Variants in ASCC3 observed in about 807,000 individuals in gnomAD.
ASCC3 encodes the protein activating signal cointegrator 1 complex subunit 3.
In ASCC3, 158 loss-of-function variants were observed where a neutral mutation model predicts 256.3. The ratio of observed to expected loss-of-function variants is 0.62; its 90% CI spans 0.54 to 0.70. The LOEUF is 0.70. Ranked by LOEUF, ASCC3 falls within the 30% of genes least tolerant of loss-of-function variation. The pLI is 0.00. For synonymous variants in ASCC3, 948 were observed against 883.4 expected, an observed-to-expected ratio of 1.07 and a Z score of -1.30; for missense variants, 2,259 against 2,626.0, an observed-to-expected ratio of 0.86 and a Z score of 3.05.
chr6:100,696,583 G>A (rs958852093), intron 13 of ASCC3, among the ~76,000 whole-genome samples: 2 of 151,906 alleles, frequency 1.3e-5, no homozygotes, highest in African/African-American at 4.8e-5. Context: ...GAAATAAATA[G>A]CTGTCAAATA....
At chr6:100,561,281 T>C (rs1382107366) in intron 36 of ASCC3, among the ~76,000 whole-genome samples, 1 of 152,164 alleles carries the variant, frequency 6.6e-6, no homozygotes, top group Admixed American at 6.6e-5. Flanking sequence ...TAAAGAGCCT[T>C]AGGGGTCTTC....
chr6:100,770,986 T>G (rs924371605), intron 8 of ASCC3, among the ~76,000 whole-genome samples: 4 of 151,846 alleles, frequency 2.6e-5, no homozygotes, highest in African/African-American at 9.7e-5. Flanking sequence ...AAAACAACTT[T>G]GAAAAAGAAT....
At chr6:100,670,745 T>C (rs1419122467) in intron 14 of ASCC3, among the ~76,000 whole-genome samples, 2 of 151,858 alleles carry the variant, frequency 1.3e-5, no homozygotes, top group Non-Finnish European at 2.9e-5. Context: ...TGGAACAATA[T>C]CTCCAGTAGG....
chr6:100,580,949 T>C (rs1409406035), intron 36 of ASCC3, among the ~76,000 whole-genome samples: 1 of 152,132 alleles, frequency 6.6e-6, no homozygotes, highest in Admixed American at 6.5e-5. Context: ...CCATGGTGTA[T>C]ATGTGCCACA....
At chr6:100,814,878 A>G (rs1770665052) in intron 4 of ASCC3, among the ~76,000 whole-genome samples, 1 of 151,636 alleles carries the variant, frequency 6.6e-6, no homozygotes, top group Non-Finnish European at 1.5e-5. Context: ...ATTTTTTTTC[A>G]AAAAATCAAC....
At chr6:100,757,182 C>T (rs1189072306) in intron 10 of ASCC3, among the ~76,000 whole-genome samples, 2 of 151,886 alleles carry the variant, frequency 1.3e-5, no homozygotes, top group Non-Finnish European at 2.9e-5. Flanking sequence ...ATAATCAAGA[C>T]TTATACTAAA....
chr6:100,540,522 A>G, intron 36 of ASCC3, 135 bp from the exon 37 acceptor site: 1 of 728,524 alleles, frequency 1.4e-6, no homozygotes, highest in South Asian at 1.7e-5. Context: ...TGCTTGTTCA[A>G]TATTATCATT....
intron 8 of ASCC3, among the ~76,000 whole-genome samples, chr6:100,795,046 T>C (rs1218480730): frequency 1.3e-5 from 2 of 152,074 alleles, no homozygotes. Context: ...ATAATGAGGA[T>C]ATACAAGTGA....
In ASCC3 at chr6:100,747,318, C is replaced by T. The variant is rs1017901272; in HGVS notation, c.1737+19247G>A. Among the ~76,000 whole-genome samples, 3 of 151,996 alleles carry T rather than the reference C, an allele frequency of 2.0e-5. 1 individual carries two copies. The South Asian group carries it at 6.2e-4, about 32-fold the overall frequency. On this transcript the variant is annotated intron_variant, in intron 10 of 41. Coordinates refer to ENST00000369162, the MANE Select transcript of ASCC3 (RefSeq NM_006828.4). ...AATACTTGGCTGGTGGAGGGTATTG[C>T]TGCTTTGGAATACAGTTCGGTAGTT...
rs780929412 is a variant in ASCC3, at chr6:100,662,555, TAA to T, written c.2287-21_2287-20del. 1.2e-5 allele frequency: 19 copies of T among 1,609,948 alleles called. No homozygotes were observed. The highest frequency in any genetic ancestry group is 6.8e-6 in the Non-Finnish European group (8 of 1,176,906). On this transcript the variant is annotated intron_variant, in intron 14 of 41. Coordinates refer to ENST00000369162, the MANE Select transcript of ASCC3 (RefSeq NM_006828.4). ...TTTGTACCTAGATACCAAGAAAGCGTAAGAGTATTATTTAGCATTTAAAAGCA... is the reference window on the plus strand; with the variant it reads ...TTTGTACCTAGATACCAAGAAAGCGTGAGTATTATTTAGCATTTAAAAGCA...
intron 1 of ASCC3, 95 bp from the exon 2 acceptor site, chr6:100,868,133 A>C (rs989895664): frequency 1.9e-4 from 137 of 704,234 alleles, no homozygotes; most frequent in Admixed American, 1.4e-3. Flanking sequence ...AAAAGGAAAA[A>C]ATTGGTTAAA....
At chr6:100,873,782 T>A (rs1201713035) in intron 1 of ASCC3, among the ~76,000 whole-genome samples, 4 of 152,140 alleles carry the variant, frequency 2.6e-5, no homozygotes, top group Non-Finnish European at 5.9e-5. Flanking sequence ...AAAACTAAGC[T>A]TCATAAATGA....
intron 1 of ASCC3, among the ~76,000 whole-genome samples, chr6:100,876,869 A>G (rs1774026805): frequency 6.6e-6 from 1 of 152,190 alleles, no homozygotes; most frequent in South Asian, 2.1e-4. Context: ...ACATACGTAC[A>G]GGTAAAAAGA....
intron 10 of ASCC3, among the ~76,000 whole-genome samples, chr6:100,765,116 T>C (rs192877424): frequency 2.7e-4 from 41 of 152,210 alleles, no homozygotes; most frequent in Admixed American, 2.5e-3. Context: ...ATAGAACAGA[T>C]ACTGTCTCAA....
In ASCC3 at chr6:100,617,225, C is replaced by A. The variant is rs370042519; in HGVS notation, c.4785+7967G>T. ...GTTTCACCATGTTGGCCAGGCTGAC[C>A]TTGAACTCCTGACCTCAAATGATCT... On this transcript the variant is annotated intron_variant, in intron 30 of 41. Transcript: ENST00000369162. Among the ~76,000 whole-genome samples, 64 of 152,152 alleles carry A rather than the reference C, an allele frequency of 4.2e-4. No homozygotes were observed. The East Asian group carries it at 0.011, about 27-fold the overall frequency.
intron 36 of ASCC3, among the ~76,000 whole-genome samples, chr6:100,547,195 T>G (rs1769017578): frequency 6.6e-6 from 1 of 152,066 alleles, no homozygotes; most frequent in Admixed American, 6.6e-5. Flanking sequence ...TCAACTTCAA[T>G]CCTTATTTTA....
rs1418122634 is a variant in ASCC3 at position 100,848,433 on chromosome 6, G to A, written c.516C>T (p.Asp172=). 5 of 1,611,660 alleles carry A rather than the reference G, an allele frequency of 3.1e-6. No individual in the cohort carries two copies. Among genetic ancestry groups the A allele is most frequent in the East Asian group, 2.2e-5 (1 of 44,866 alleles). ...CGTCAAAGTGGTCCAAATCATGCAT[G>A]TCAAATGAAAATGCTAAATTTTTAC... is the stretch of plus-strand genomic sequence containing the variant. ...FFGKNLAFSF[D]MHDLDHFDEL... Residue 172 remains aspartate (D), a synonymous_variant, in exon 4 of 42, where the codon GAC becomes GAT. Transcript: ENST00000369162.
chr6:100,596,930 A>G (rs577509440), intron 34 of ASCC3, among the ~76,000 whole-genome samples: 2 of 152,080 alleles, frequency 1.3e-5, no homozygotes, highest in South Asian at 4.2e-4. Flanking sequence ...ATCTCCTGCT[A>G]TTTTCCTGCT....
At chr6:100,838,932 C>T (rs1456422749) in intron 4 of ASCC3, among the ~76,000 whole-genome samples, 2 of 152,016 alleles carry the variant, frequency 1.3e-5, no homozygotes, top group Admixed American at 1.3e-4. Context: ...ATGCTTACAG[C>T]AATTTCTAAA....
Sources: gnomAD v4.1 joint callset for allele counts (sites outside exome capture counted in the v4.1 genomes callset) on GRCh38, gnomAD v4.1.1 for gene constraint, MANE v1.5 for transcripts, NCBI Gene and HGNC (gene_info 2026-07-23, HGNC 2026-07-21) for gene names.